Variants in REDIC1 observed in about 807,000 individuals in gnomAD.
REDIC1 encodes the protein HEI10 Interacting Protein 1.
At chr12:39,674,122 A>G in the REDIC1 span, among the ~76,000 whole-genome samples, 2 of 152,270 alleles carry the variant, frequency 1.3e-5, no homozygotes, top group African/African-American at 2.4e-5. Context: ...ATCCTTTCCA[A>G]CTTTAGTTCC....
the REDIC1 span, among the ~76,000 whole-genome samples, chr12:39,854,228 A>T: frequency 6.6e-6 from 1 of 152,132 alleles, no homozygotes; most frequent in Non-Finnish European, 1.5e-5. Context: ...TAGTTTTCTT[A>T]TCTGTAAAAT....
chr12:39,868,652 GA>G, the REDIC1 span, among the ~76,000 whole-genome samples: 1 of 152,114 alleles, frequency 6.6e-6, no homozygotes. Flanking sequence ...CATGAGGGGG[GA>G]AAAACACAAT....
At chr12:39,698,938 G>A in the REDIC1 span, among the ~76,000 whole-genome samples, 315 of 151,946 alleles carry the variant, frequency 2.1e-3, no homozygotes, top group Non-Finnish European at 3.5e-3. Context: ...GAACTAGAAC[G>A]GCAAGAACAA....
At chr12:39,716,187 C>T in the REDIC1 span, among the ~76,000 whole-genome samples, 1,281 of 152,010 alleles carry the variant, frequency 8.4e-3, 11 homozygotes, top group African/African-American at 0.029. Context: ...GTTGAAGCTA[C>T]GGTTGCTCTT....
chr12:39,855,848 A>G, the REDIC1 span, among the ~76,000 whole-genome samples: 2 of 152,154 alleles, frequency 1.3e-5, no homozygotes, highest in East Asian at 3.9e-4. Flanking sequence ...CATGTGACCT[A>G]TATTTTTTGG....
At chr12:39,641,612 G>A in the REDIC1 span, among the ~76,000 whole-genome samples, 1 of 151,694 alleles carries the variant, frequency 6.6e-6, no homozygotes, top group African/African-American at 2.4e-5. Context: ...TAATAGCATA[G>A]CAGTGCAAAT....
At chr12:39,672,006 T>C in the REDIC1 span, among the ~76,000 whole-genome samples, 2 of 152,044 alleles carry the variant, frequency 1.3e-5, no homozygotes, top group East Asian at 3.9e-4. Flanking sequence ...CTTAAGTCCT[T>C]ACAGTGGTGT....
chr12:39,896,249 CAT>C, the REDIC1 span, among the ~76,000 whole-genome samples: 6 of 92,516 alleles, frequency 6.5e-5, no homozygotes, highest in East Asian at 3.6e-4. Context: ...TATATGTATA[CAT>C]GTATGTATAT....
At chr12:39,779,061 G>A in the REDIC1 span, among the ~76,000 whole-genome samples, 1 of 152,156 alleles carries the variant, frequency 6.6e-6, no homozygotes, top group African/African-American at 2.4e-5. Context: ...TTTCCCCCAG[G>A]AAGAGTCATC....
At chr12:39,660,054 A>G in the REDIC1 span, among the ~76,000 whole-genome samples, 8 of 151,948 alleles carry the variant, frequency 5.3e-5, no homozygotes, top group Admixed American at 3.3e-4. Flanking sequence ...GAATTATGAA[A>G]TTTTCCACTC....
chr12:39,633,617 C>T, the REDIC1 span, among the ~76,000 whole-genome samples: 1 of 151,942 alleles, frequency 6.6e-6, no homozygotes, highest in African/African-American at 2.4e-5. Flanking sequence ...TACTTTTATA[C>T]CACTTACAGT....
At chr12:39,849,833 T>C in the REDIC1 span, among the ~76,000 whole-genome samples, 1 of 152,206 alleles carries the variant, frequency 6.6e-6, no homozygotes, top group Non-Finnish European at 1.5e-5. Context: ...CTTTTTGCAT[T>C]ATATGGCTAC....
chr12:39,722,936 A>T, the REDIC1 span, among the ~76,000 whole-genome samples: 2 of 152,118 alleles, frequency 1.3e-5, no homozygotes, highest in Non-Finnish European at 2.9e-5. Flanking sequence ...ATGATTTAGG[A>T]TGGAGACGTT....
At chr12:39,632,667 G>C in the REDIC1 span, among the ~76,000 whole-genome samples, 1 of 152,094 alleles carries the variant, frequency 6.6e-6, no homozygotes, top group South Asian at 2.1e-4. Flanking sequence ...CATAGACTGT[G>C]CTTACAGAAA....
At chr12:39,809,197 GT>G in the REDIC1 span, among the ~76,000 whole-genome samples, 3 of 151,932 alleles carry the variant, frequency 2.0e-5, no homozygotes, top group Admixed American at 2.0e-4. Flanking sequence ...GATTAATTTG[GT>G]TTTTTTATTG....
At chr12:39,868,791 T>C in the REDIC1 span, among the ~76,000 whole-genome samples, 1 of 152,206 alleles carries the variant, frequency 6.6e-6, no homozygotes, top group Non-Finnish European at 1.5e-5. Context: ...GAACAAGCTT[T>C]GAAAATACAA....
At chr12:39,741,121 A>G in the REDIC1 span, among the ~76,000 whole-genome samples, 2 of 152,112 alleles carry the variant, frequency 1.3e-5, no homozygotes. Context: ...GCTTCCTTAC[A>G]TATTCTTAAA....
the REDIC1 span, among the ~76,000 whole-genome samples, chr12:39,869,036 A>G: frequency 6.6e-6 from 1 of 152,230 alleles, no homozygotes; most frequent in Non-Finnish European, 1.5e-5. Context: ...ATACTGAATC[A>G]AAGGTTAAAA....
the REDIC1 span, among the ~76,000 whole-genome samples, chr12:39,716,120 C>G: frequency 6.6e-6 from 1 of 151,858 alleles, no homozygotes; most frequent in Non-Finnish European, 1.5e-5. Flanking sequence ...TCATGTTCTG[C>G]AGCCTTTTGC....
Sources: gnomAD v4.1 joint callset for allele counts (sites outside exome capture counted in the v4.1 genomes callset) on GRCh38, gnomAD v4.1.1 for gene constraint, MANE v1.5 for transcripts, NCBI Gene and HGNC (gene_info 2026-07-23, HGNC 2026-07-21) for gene names.